PCDHA5: variants seen among roughly 807,000 people sequenced by gnomAD.
PCDHA5 encodes protocadherin alpha-5.
A neutral mutation model predicts 61.6 loss-of-function variants in PCDHA5; 43 were observed. The ratio of observed to expected loss-of-function variants is 0.70; its 90% CI spans 0.55 to 0.90. The LOEUF (loss-of-function observed/expected upper bound fraction) is 0.90, where lower values mean the gene tolerates loss of function less well. Among genes scored for constraint, PCDHA5 ranks in the 40% least tolerant of loss-of-function variants. PCDHA5 has a pLI of 0.00. For missense variants in PCDHA5, 1,298 were observed against 1,222.7 expected (o/e 1.06, Z -0.92); for synonymous variants, 627 against 543.9 (o/e 1.15, Z -2.13).
chr5:140,972,213 C>T (rs1312530794), intron 1 of PCDHA5, among the ~76,000 whole-genome samples: 3 of 151,932 alleles, frequency 2.0e-5, no homozygotes, highest in African/African-American at 7.3e-5. Flanking sequence ...GAATATGGCT[C>T]ACTGCAGCCT....
chr5:140,955,975 A>G (rs2095244010), intron 1 of PCDHA5, among the ~76,000 whole-genome samples: 1 of 152,112 alleles, frequency 6.6e-6, no homozygotes, highest in Admixed American at 6.6e-5. Flanking sequence ...TAGGAATGCT[A>G]GCAATTTTTG....
intron 3 of PCDHA5, among the ~76,000 whole-genome samples, chr5:140,999,657 C>A (rs1257419150): frequency 6.6e-6 from 1 of 152,156 alleles, no homozygotes; most frequent in Non-Finnish European, 1.5e-5. Flanking sequence ...CTGAGCCCTG[C>A]TGGGTTGCGG....
At chr5:140,870,481 A>C (rs1329928274) in intron 1 of PCDHA5, 1 of 1,614,210 alleles carries the variant, frequency 6.2e-7, no homozygotes, top group East Asian at 2.2e-5. Context: ...GCCCGAGTAC[A>C]CCGTGTTCGT....
At chr5:140,884,049 TGC>T (rs1554181152) in intron 1 of PCDHA5, 1 of 1,613,414 alleles carries the variant, frequency 6.2e-7, no homozygotes. Context: ...GTGGCGAAGG[TGC>T]GCGCGGTGGA....
intron 1 of PCDHA5, among the ~76,000 whole-genome samples, chr5:140,941,877 A>T (rs1554214743): frequency 1.3e-5 from 2 of 152,224 alleles, no homozygotes; most frequent in Non-Finnish European, 2.9e-5. Flanking sequence ...TTCTATCACC[A>T]GTGACTAGCA....
chr5:140,839,045 G>A (rs914747083), intron 1 of PCDHA5, among the ~76,000 whole-genome samples: 2 of 151,914 alleles, frequency 1.3e-5, no homozygotes, highest in South Asian at 2.1e-4. Context: ...TCTTTTCAAC[G>A]TGAATAAGGA....
chr5:140,899,544 T>A (rs925092249), intron 1 of PCDHA5, among the ~76,000 whole-genome samples: 11 of 152,202 alleles, frequency 7.2e-5, no homozygotes, highest in Non-Finnish European at 1.5e-5. Context: ...TTGATCATGG[T>A]GGATAAGCTT....
At position 140,883,268 on chromosome 5, in the gene PCDHA5, T is replaced by C. The variant is rs782069573; in HGVS notation, c.2352+59141T>C. 3 of 1,613,912 alleles carry C rather than the reference T, an allele frequency of 1.9e-6. No homozygotes were observed. The African/African-American group carries it at 4.0e-5, about 22-fold the overall frequency. On this transcript the variant is annotated intron_variant, in intron 1 of 3. Coordinates refer to ENST00000529859, the MANE Select transcript of PCDHA5 (RefSeq NM_018908.3). ...AGGAAATATTCCAATGGCGGGTCAT[T>C]GTACCCTTTTGGTGGAAGTACTAGA...
intron 1 of PCDHA5, chr5:140,857,451 C>T (rs782451627): frequency 1.3e-6 from 2 of 1,598,488 alleles, no homozygotes; most frequent in Non-Finnish European, 1.7e-6. Flanking sequence ...GAGAACAACC[C>T]GCCAGGCTGC....
intron 1 of PCDHA5, chr5:140,882,740 T>A (rs1554175394): frequency 6.2e-7 from 1 of 1,614,198 alleles, no homozygotes; most frequent in African/African-American, 1.3e-5. Flanking sequence ...AGATGGCGCA[T>A]CCGATGCAGA....
chr5:140,934,209 C>G (rs1554209791), intron 1 of PCDHA5, among the ~76,000 whole-genome samples: 1 of 152,068 alleles, frequency 6.6e-6, no homozygotes, highest in Non-Finnish European at 1.5e-5. Context: ...TTTCCTCACA[C>G]AAAATGTTTA....
At chr5:140,884,391 C>G in intron 1 of PCDHA5, 1 of 1,613,982 alleles carries the variant, frequency 6.2e-7, no homozygotes, top group Non-Finnish European at 8.5e-7. Flanking sequence ...TGCGCGGTGT[C>G]CAGCCTGTTG....
chr5:140,856,231 C>G, intron 1 of PCDHA5: 1 of 1,597,900 alleles, frequency 6.3e-7, no homozygotes. Flanking sequence ...TGGTGCAGCG[C>G]CTGTTCCGGG....
chr5:140,943,357 A>G (rs974685573), intron 1 of PCDHA5, among the ~76,000 whole-genome samples: 3 of 152,026 alleles, frequency 2.0e-5, no homozygotes, highest in Non-Finnish European at 4.4e-5. Flanking sequence ...AGTAGAGGAA[A>G]GGAGATCATT....
chr5:140,872,452 T>G (rs1459875737), intron 1 of PCDHA5, among the ~76,000 whole-genome samples: 1 of 151,968 alleles, frequency 6.6e-6, no homozygotes, highest in East Asian at 1.9e-4. Context: ...CATAGCGAGA[T>G]CCTGTCTCTA....
intron 1 of PCDHA5, among the ~76,000 whole-genome samples, chr5:140,906,526 CAATT>C (rs1554192570): frequency 6.6e-6 from 1 of 152,190 alleles, no homozygotes; most frequent in Non-Finnish European, 1.5e-5. Context: ...ATACTCACGA[CAATT>C]AAAATCCTCA....
chr5:140,857,434 C>T (rs987628518), intron 1 of PCDHA5: 2 of 1,598,440 alleles, frequency 1.3e-6, no homozygotes, highest in Non-Finnish European at 1.7e-6. Context: ...ACACGGTGTT[C>T]GTGAAGGAGA....
chr5:140,835,712 G>C, intron 1 of PCDHA5: 1 of 1,613,796 alleles, frequency 6.2e-7, no homozygotes, highest in Non-Finnish European at 8.5e-7. Flanking sequence ...GCGTGTCCGT[G>C]GAGGTGGCCG....
intron 1 of PCDHA5, chr5:140,883,274 C>T (rs1554177451): frequency 1.9e-6 from 3 of 1,613,998 alleles, no homozygotes; most frequent in South Asian, 2.2e-5. Flanking sequence ...TCATTGTACC[C>T]TTTTGGTGGA....
Sources: gnomAD v4.1 joint callset for allele counts (sites outside exome capture counted in the v4.1 genomes callset) on GRCh38, gnomAD v4.1.1 for gene constraint, MANE v1.5 for transcripts, NCBI Gene and HGNC (gene_info 2026-07-23, HGNC 2026-07-21) for gene names.